NOXO1: variants seen among roughly 807,000 people sequenced by gnomAD.
NOXO1 encodes the protein NADPH oxidase organizer 1.
Under a neutral mutation model 33.3 loss-of-function variants are expected in NOXO1, and 38 were observed. The ratio of observed to expected loss-of-function variants is 1.14; its 90% confidence interval spans 0.88 to 1.50. NOXO1 has a LOEUF of 1.50. NOXO1 is among the 40% of genes most tolerant of loss of function. NOXO1 has a pLI of 0.00. For missense variants in NOXO1, 675 were observed against 527.1 expected (o/e 1.28, Z -2.75); for synonymous variants, 302 against 237.3 (o/e 1.27, Z -2.51).
intron 4 of NOXO1, 53 bp from the exon 5 acceptor site, chr16:1,980,234 C>G (rs531378694): frequency 6.5e-7 from 1 of 1,540,682 alleles, no homozygotes; most frequent in African/African-American, 1.4e-5. Context: ...GAGGGTGAAA[C>G]TGGGGGCGCC....
Position 1,981,324 on chromosome 16 carries a change from GC to G in NOXO1, c.-146del. ...AAGCCTGTGGGGTCCTTGTGGAGCC[GC>G]CCCAGCTGAGTCCTTTGCAGCTTTC... On this transcript the variant is annotated 5_prime_UTR_variant, in exon 1 of 8. Coordinates refer to ENST00000356120, the MANE Select transcript of NOXO1 (RefSeq NM_172167.3). 1 of 1,449,040 alleles carries G rather than the reference GC, an allele frequency of 6.9e-7. No individual in the cohort carries two copies. Among genetic ancestry groups the G allele is most frequent in the Admixed American group, 2.7e-5 (1 of 37,094 alleles). The allele number at this position is 1,449,040 out of a possible 1,614,324, so 89.8% of individuals were successfully genotyped here. A position where few individuals can be genotyped will look rare whatever the true frequency, so the allele number is the denominator to read the frequency against.
In NOXO1 at chr16:1,979,938, G is replaced by C. The variant is rs1352521687; in HGVS notation, c.587-35C>G. 15 of 1,576,406 alleles carry C rather than the reference G, an allele frequency of 9.5e-6. 1 individual carries two copies. The Admixed American group carries it at 1.6e-4, about 17-fold the overall frequency. On this transcript the variant is annotated intron_variant, in intron 5 of 7. Transcript: ENST00000356120. ...AGAAGCGGGCAGGGACTCAAATCTC[G>C]AGGCTCCCTCGGGTCCAGGAGCAGA...
In NOXO1 at chr16:1,979,299, C is replaced by A; in HGVS notation, c.869G>T (p.Gly290Val). The change falls in exon 8 of 8, where the codon GGG becomes GTG. Residue 290 changes from glycine to valine, a missense_variant. Gly to Val is a moderately radical substitution (Grantham distance 109, BLOSUM62 -3). Coordinates refer to ENST00000356120, the MANE Select transcript of NOXO1 (RefSeq NM_172167.3). ...CGTCCCGCTCAGGAGAGCGCCCAGC[C>A]CTTCCGGCCGCAGCAGCACCGCGGG... ...LLPAVLLRPE[G>V]LGALLSGTGF... 6.4e-7 allele frequency: 1 copy of A among 1,565,650 alleles called. No homozygotes were observed. The highest frequency in any genetic ancestry group is 8.6e-7 in the Non-Finnish European group (1 of 1,163,430).
chr16:1,979,039 G>C lies in NOXO1; in HGVS notation c.*13C>G, dbSNP rs761276265. The C allele has an allele frequency of 5.8e-6, 9 of 1,541,106 alleles. No homozygotes were observed. The highest frequency in any genetic ancestry group is 1.4e-5 in the African/African-American group (1 of 72,808). On this transcript the variant is annotated 3_prime_UTR_variant, in exon 8 of 8. Coordinates refer to ENST00000356120, the MANE Select transcript of NOXO1 (RefSeq NM_172167.3). ...GGATGGCGCGGTCCATCCCCTCATC[G>C]GGATCCTCGCGCTCACTGCTCCGTC...
At position 1,980,524 on chromosome 16, in the gene NOXO1, C is replaced by T. The variant is rs919378476; in HGVS notation, c.244G>A (p.Val82Met). The part of the protein sequence containing the change: ...KLLDAPLLGR[V>M]GRTSRGLARL... Reference sequence around the variant, plus strand: ...GCCAGGCCGCGGCTCGTGCGCCCCACGCGTCCCAACAGTGGTGCATCTTAA... The same window carrying T: ...GCCAGGCCGCGGCTCGTGCGCCCCATGCGTCCCAACAGTGGTGCATCTTAA... The change falls in exon 4 of 8, where the codon GTG becomes ATG. Residue 82 changes from valine (V) to methionine (M), a missense_variant. By Grantham distance (21) the Val-to-Met change is conservative. Coordinates refer to ENST00000356120, the MANE Select transcript of NOXO1 (RefSeq NM_172167.3). 7.5e-6 allele frequency: 12 copies of T among 1,603,250 alleles called. No homozygotes were observed. Among genetic ancestry groups the T allele is most frequent in the Middle Eastern group, 1.7e-4 (1 of 6,048 alleles).
chr16:1,980,987 G>A lies in NOXO1; in HGVS notation c.99C>T (p.Gly33=), dbSNP rs1414781017. Residue 33 remains glycine (G), a synonymous_variant, in exon 2 of 8, where the codon GGC becomes GGT. Transcript: ENST00000356120. The part of the protein sequence containing the change: ...TFAFSVRWSD[G]SDTFVRRSWD... The stretch of plus-strand genomic sequence containing the variant: ...AACTCCTGCGCACGAAGGTGTCGCT[G>A]CCGTCTGACCAGCGCACAGAGAAGG... The A allele has an allele frequency of 1.9e-6, 3 of 1,613,142 alleles. No homozygotes were observed. Among genetic ancestry groups the A allele is most frequent in the Non-Finnish European group, 2.5e-6 (3 of 1,180,014 alleles).
chr16:1,980,321 G>T (rs2083477090), intron 4 of NOXO1, 46 bp downstream of exon 4: 12 of 1,574,590 alleles, frequency 7.6e-6, no homozygotes, highest in Non-Finnish European at 9.4e-6. Flanking sequence ...ACCTCTCCCA[G>T]CTCCAAACGC....
rs761949601 is a variant in NOXO1, at chr16:1,981,195, G to A, written c.-16C>T. 5.0e-6 allele frequency: 8 copies of A among 1,613,460 alleles called. No homozygotes were observed. In the Middle Eastern group the frequency reaches 6.7e-4, roughly 134 times the overall value. ...GGCCTGCCATGGCTGTGGCTTCCAG[G>A]CTGCAGATTCCTGAAATGGGCGAGG... On this transcript the variant is annotated 5_prime_UTR_variant, in exon 1 of 8. Coordinates refer to ENST00000356120, the MANE Select transcript of NOXO1 (RefSeq NM_172167.3).
In NOXO1 at chr16:1,980,032, T is replaced by A. The variant is rs201491122; in HGVS notation, c.551A>T (p.Gln184Leu). The change falls in exon 5 of 8, where the codon CAG (glutamine) becomes CTG (leucine). Residue 184 changes from glutamine to leucine, a missense_variant. Transcript: ENST00000356120. The part of the protein sequence containing the change: ...TRDRPFQAQA[Q>L]ESLDVLLRHP... ...CCGCAGCAGCACGTCCAGGCTCTCC[T>A]GGGCCTGCGCCTGAAAAGGCCTATC... The A allele has an allele frequency of 5.5e-5, 89 of 1,606,630 alleles. No individual in the cohort carries two copies. Among genetic ancestry groups the A allele is most frequent in the Non-Finnish European group, 7.0e-5 (82 of 1,177,918 alleles).
Position 1,980,126 on chromosome 16 carries a change from G to A in NOXO1, c.457C>T (p.Leu153Phe), listed in dbSNP as rs61729118. ...EQPLSRAAGR[L>F]SIHSLEAQSL... Reference sequence around the variant, plus strand: ...TGAGCCTCCAGACTGTGGATGGAGAGGCGGCCCGCAGCGCGAGAAAGAGGC... The same window carrying A: ...TGAGCCTCCAGACTGTGGATGGAGAAGCGGCCCGCAGCGCGAGAAAGAGGC... Residue 153 changes from leucine to phenylalanine, a missense_variant, in exon 5 of 8, where the codon CTC (leucine) becomes TTC (phenylalanine). By Grantham distance (22) the Leu-to-Phe change is conservative (BLOSUM62 0). Transcript: ENST00000356120. 200,002 of 1,606,462 alleles carry A rather than the reference G, an allele frequency of 0.12. 14,231 individuals are homozygous for A. The highest frequency in any genetic ancestry group is 0.24 in the South Asian group (21,887 of 90,060).
Position 1,981,123 on chromosome 16 carries a change from C to G in NOXO1, c.57G>C (p.Lys19Asn). 6.2e-7 allele frequency: 1 copy of G among 1,613,506 alleles called. No individual in the cohort carries two copies. Among genetic ancestry groups the G allele is most frequent in the Non-Finnish European group, 8.5e-7 (1 of 1,179,980 alleles). ...CCCAGCCAGGTCTTACTTGGAGCCTCTTGATCTGCACCAGGGCTGCCCCTT... is the reference window on the plus strand; with the variant it reads ...CCCAGCCAGGTCTTACTTGGAGCCTGTTGATCTGCACCAGGGCTGCCCCTT... The part of the protein sequence containing the change: ...SVQGAALVQI[K>N]RLQTFAFSVR... Residue 19 changes from lysine to asparagine, a missense_variant, in exon 1 of 8, where the codon AAG (lysine) becomes AAC (asparagine). Transcript: ENST00000356120.
In NOXO1 at chr16:1,979,477, C is replaced by T. The variant is rs750150664; in HGVS notation, c.766G>A (p.Gly256Arg). ...SRADELSVPA[G>R]ARVRVLETSD... ...GTTTCCAACACGCGCACGCGCGCCC[C>T]CGCGGGCACGGACAGCTCATCTGCG... Residue 256 changes from glycine (G) to arginine (R), a missense_variant, in exon 7 of 8, where the codon GGG becomes AGG. Coordinates refer to ENST00000356120, the MANE Select transcript of NOXO1 (RefSeq NM_172167.3). The T allele has an allele frequency of 1.2e-6, 2 of 1,611,962 alleles. No homozygotes were observed. Among genetic ancestry groups the T allele is most frequent in the South Asian group, 2.2e-5 (2 of 90,978 alleles).
rs2083493839 is a variant in NOXO1 at position 1,980,857 on chromosome 16, C to T, written c.147+82G>A. The T allele has an allele frequency of 6.1e-6, 9 of 1,473,566 alleles. 1 individual carries two copies. Among genetic ancestry groups the T allele is most frequent in the Non-Finnish European group, 7.5e-6 (8 of 1,068,130 alleles). The allele number at this position is 1,473,566 out of a possible 1,614,324, so 91.3% of individuals were successfully genotyped here. On this transcript the variant is annotated intron_variant, in intron 2 of 7. Coordinates refer to ENST00000356120, the MANE Select transcript of NOXO1 (RefSeq NM_172167.3). ...GGGACGAAGGGCCTCCAGTGGGAGT[C>T]ACTGATGGGAGGCAGTCCAGTGGGA...
At position 1,981,321 on chromosome 16, in the gene NOXO1, G is replaced by A; in HGVS notation, c.-142C>T. 1 of 1,454,098 alleles carries A rather than the reference G, an allele frequency of 6.9e-7. No homozygotes were observed. The highest frequency in any genetic ancestry group is 2.5e-5 in the East Asian group (1 of 40,294). The allele number at this position is 1,454,098 out of a possible 1,614,324, so 90.1% of individuals were successfully genotyped here. On this transcript the variant is annotated 5_prime_UTR_variant, in exon 1 of 8. Coordinates refer to ENST00000356120, the MANE Select transcript of NOXO1 (RefSeq NM_172167.3). ...CTCAAGCCTGTGGGGTCCTTGTGGAGCCGCCCCAGCTGAGTCCTTTGCAGC... is the reference window on the plus strand; with the variant it reads ...CTCAAGCCTGTGGGGTCCTTGTGGAACCGCCCCAGCTGAGTCCTTTGCAGC...
chr16:1,979,744 C>T, intron 6 of NOXO1, 46 bp downstream of exon 6: 2 of 1,408,974 alleles, frequency 1.4e-6, no homozygotes, highest in South Asian at 1.3e-5. Context: ...TCTTGCCACA[C>T]GGTCAAGCCG....
chr16:1,980,787 G>C, intron 2 of NOXO1, 56 bp from the exon 3 acceptor site: 8 of 1,533,950 alleles, frequency 5.2e-6, no homozygotes, highest in Non-Finnish European at 7.1e-6. Flanking sequence ...ACCCTTGAGA[G>C]GGCGGGGTCC....
chr16:1,981,091 C>G (rs771589548), intron 1 of NOXO1, 23 bp downstream of exon 1: 9 of 1,611,378 alleles, frequency 5.6e-6, no homozygotes, highest in Admixed American at 5.0e-5. Context: ...CTTGGGGCCA[C>G]TAAGGACCCA....
Position 1,979,870 on chromosome 16 carries a change from G to A in NOXO1, c.620C>T (p.Thr207Ile), listed in dbSNP as rs377615527. 3.2e-6 allele frequency: 5 copies of A among 1,581,294 alleles called. No individual in the cohort carries two copies. Among genetic ancestry groups the A allele is most frequent in the Non-Finnish European group, 4.3e-6 (5 of 1,165,036 alleles). ...CAGGTAGGGCGCTGGAAACCAGGCG[G>A]TCTGCCGGTCTTCGTTCTCCACCAG... ...WWLVENEDRQ[T>I]AWFPAPYLEE... The change falls in exon 6 of 8, where the codon ACC (threonine) becomes ATC (isoleucine). Residue 207 changes from threonine to isoleucine, a missense_variant. Thr to Ile is a moderately conservative substitution (Grantham distance 89). Transcript: ENST00000356120.
intron 6 of NOXO1, 115 bp downstream of exon 6, chr16:1,979,675 A>G: frequency 4.3e-6 from 5 of 1,164,314 alleles, no homozygotes; most frequent in Non-Finnish European, 6.0e-6. Flanking sequence ...GGCTTCCTCT[A>G]GGTGCGGAGA....
Sources: gnomAD v4.1 joint callset for allele counts on GRCh38, gnomAD v4.1.1 for gene constraint, MANE v1.5 for transcripts, NCBI Gene and HGNC (gene_info 2026-07-23, HGNC 2026-07-21) for gene names.